Variants in RERE observed in about 807,000 individuals in gnomAD.
RERE encodes the protein arginine-glutamic acid dipeptide repeats, also known as arginine-glutamic acid dipeptide repeats protein.
Under a neutral mutation model 146.1 loss-of-function variants are expected in RERE, and 40 were observed. That is an observed-to-expected ratio of 0.27 (90% CI 0.21 to 0.36). The LOEUF is 0.36. RERE is among the 10% of genes least tolerant of loss of function. The pLI is 1.00. For missense variants in RERE, 1,933 were observed against 2,138.7 expected, an observed-to-expected ratio of 0.90 and a Z score of 1.90; for synonymous variants, 1,003 against 866.0, an observed-to-expected ratio of 1.16 and a Z score of -2.78.
chr1:8,612,336 A>T (rs1338118401), intron 4 of RERE, among the ~76,000 whole-genome samples: 1 of 152,192 alleles, frequency 6.6e-6, no homozygotes, highest in African/African-American at 2.4e-5. Flanking sequence ...AAGCTTTGCC[A>T]ACTGGATCTG....
intron 12 of RERE, among the ~76,000 whole-genome samples, chr1:8,367,455 G>A (rs1641855198): frequency 6.6e-6 from 1 of 152,206 alleles, no homozygotes; most frequent in South Asian, 2.1e-4. Flanking sequence ...AGGGCTGACT[G>A]GCCTATAAAG....
At chr1:8,616,983 T>C (rs1463598999) in intron 3 of RERE, among the ~76,000 whole-genome samples, 3 of 152,212 alleles carry the variant, frequency 2.0e-5, no homozygotes, top group South Asian at 2.1e-4. Context: ...CATTACTCCA[T>C]AATTGTGGCG....
intron 4 of RERE, among the ~76,000 whole-genome samples, chr1:8,581,400 T>C (rs1211432430): frequency 6.6e-6 from 1 of 152,254 alleles, no homozygotes; most frequent in East Asian, 1.9e-4. Context: ...CTCAGACATA[T>C]GAGTGACAAA....
At chr1:8,502,286 G>A (rs1367331594) in intron 8 of RERE, among the ~76,000 whole-genome samples, 2 of 116,968 alleles carry the variant, frequency 1.7e-5, no homozygotes, top group Non-Finnish European at 3.6e-5. Flanking sequence ...GCCCCTACTG[G>A]GAAGTGAGGA....
chr1:8,784,926 CT>C (rs1179709344), intron 1 of RERE, among the ~76,000 whole-genome samples: 4 of 152,170 alleles, frequency 2.6e-5, no homozygotes, highest in Non-Finnish European at 5.9e-5. Context: ...CCAGGATGAG[CT>C]TATGTCTCTA....
At chr1:8,683,659 T>C (rs1198973461) in intron 1 of RERE, among the ~76,000 whole-genome samples, 3 of 152,160 alleles carry the variant, frequency 2.0e-5, no homozygotes, top group Non-Finnish European at 2.9e-5. Context: ...AAAAAATAAA[T>C]TGACCAGGCG....
chr1:8,374,979 A>C (rs1570083963), intron 12 of RERE, among the ~76,000 whole-genome samples: 3 of 150,074 alleles, frequency 2.0e-5, no homozygotes, highest in African/African-American at 4.9e-5. Context: ...CCTTCACTTC[A>C]CTCCCCCACC....
intron 7 of RERE, chr1:8,525,649 C>G: frequency 8.2e-7 from 1 of 1,220,692 alleles, no homozygotes; most frequent in Non-Finnish European, 1.1e-6. Flanking sequence ...ATTAAAGGCT[C>G]TCAGGAACAT....
At chr1:8,779,030 A>G (rs948015581) in intron 1 of RERE, among the ~76,000 whole-genome samples, 79 of 151,004 alleles carry the variant, frequency 5.2e-4, no homozygotes, top group African/African-American at 1.8e-3. Context: ...TATTTTTAGT[A>G]GAGACGGGGT....
chr1:8,495,649 A>G (rs1645035465), intron 9 of RERE, among the ~76,000 whole-genome samples: 1 of 152,220 alleles, frequency 6.6e-6, no homozygotes, highest in Non-Finnish European at 1.5e-5. Context: ...TCACGCAGAA[A>G]GACATATGTT....
intron 12 of RERE, among the ~76,000 whole-genome samples, chr1:8,387,367 T>C (rs1642712237): frequency 6.6e-6 from 1 of 152,150 alleles, no homozygotes; most frequent in East Asian, 1.9e-4. Flanking sequence ...TATAAAACTT[T>C]TAGAAAACAG....
intron 1 of RERE, among the ~76,000 whole-genome samples, chr1:8,669,185 C>G (rs191102883): frequency 4.0e-5 from 6 of 151,540 alleles, no homozygotes; most frequent in South Asian, 2.1e-4. Context: ...CAATACCCCC[C>G]CCAACTCGGC....
intron 12 of RERE, among the ~76,000 whole-genome samples, chr1:8,421,571 C>T (rs978990514): frequency 2.6e-5 from 4 of 152,084 alleles, no homozygotes; most frequent in Non-Finnish European, 1.5e-5. Flanking sequence ...TTTATATATA[C>T]AAGACTATAC....
At chr1:8,379,735 A>T (rs917143527) in intron 12 of RERE, among the ~76,000 whole-genome samples, 20 of 152,280 alleles carry the variant, frequency 1.3e-4, no homozygotes, top group Middle Eastern at 3.4e-3. Context: ...TAGAGACTCT[A>T]GGAAACCGCT....
rs1355298712 is a variant in RERE at position 8,423,830 on chromosome 1, G to C, written c.1204-1023C>G. The C allele has an allele frequency of 2.4e-6, 1 of 414,108 alleles. No individual in the cohort carries two copies. The highest frequency in any genetic ancestry group is 1.6e-4 in the East Asian group (1 of 6,172). The allele number at this position is 414,108 out of a possible 1,614,324, so 25.7% of individuals were successfully genotyped here. Reference sequence around the variant, plus strand: ...GGCGCGGCCGCGGGCGGCTGCAAAAGGCGGCCTGGATTGCCGCCGCCCTCC... The same window carrying C: ...GGCGCGGCCGCGGGCGGCTGCAAAACGCGGCCTGGATTGCCGCCGCCCTCC... On this transcript the variant is annotated intron_variant, in intron 11 of 22. Transcript: ENST00000400908. This position sits in a 1 kb window ranked among gnomAD's most constrained non-coding sequence, Gnocchi z 5.4.
intron 4 of RERE, among the ~76,000 whole-genome samples, chr1:8,570,956 T>C (rs1235864863): frequency 1.3e-5 from 2 of 152,180 alleles, no homozygotes; most frequent in African/African-American, 2.4e-5. Flanking sequence ...AAAATCTAAA[T>C]AGGAAGCTCT....
chr1:8,623,167 G>A (rs1190756057), intron 3 of RERE, among the ~76,000 whole-genome samples: 2 of 152,150 alleles, frequency 1.3e-5, no homozygotes, highest in Admixed American at 1.3e-4. Context: ...GTGGTTCCCG[G>A]CTGGCATGGT....
chr1:8,534,976 C>G (rs1334613951), intron 7 of RERE, among the ~76,000 whole-genome samples: 2 of 152,118 alleles, frequency 1.3e-5, no homozygotes, highest in African/African-American at 4.8e-5. Flanking sequence ...CAGTGGCATA[C>G]ACCAGTAGTC....
At chr1:8,741,405 C>T (rs1377563353) in intron 1 of RERE, among the ~76,000 whole-genome samples, 1 of 152,082 alleles carries the variant, frequency 6.6e-6, no homozygotes, top group African/African-American at 2.4e-5. Flanking sequence ...GCATTGTGTC[C>T]CCACCCAAAT....
Sources: gnomAD v4.1 joint callset for allele counts (sites outside exome capture counted in the v4.1 genomes callset) on GRCh38, gnomAD v4.1.1 for gene constraint, Gnocchi (gnomAD v3.1) non-coding constraint, MANE v1.5 for transcripts, NCBI Gene and HGNC (gene_info 2026-07-23, HGNC 2026-07-21) for gene names.